Variants in PLCG2 observed in about 807,000 individuals in gnomAD.
PLCG2 encodes 1-phosphatidylinositol 4,5-bisphosphate phosphodiesterase gamma-2.
Under a neutral mutation model 175.6 loss-of-function variants are expected in PLCG2, and 69 were observed. The observed-to-expected ratio is 0.39, with a 90% CI of 0.32 to 0.48. The LOEUF (loss-of-function observed/expected upper bound fraction) is 0.48. Among genes scored for constraint, PLCG2 ranks in the 20% least tolerant of loss-of-function variants. PLCG2 has a pLI of 0.91. For missense variants in PLCG2, 1,798 were observed against 1,650.9 expected, an observed-to-expected ratio of 1.09 and a Z score of -1.54; for synonymous variants, 827 against 624.0, an observed-to-expected ratio of 1.33 and a Z score of -4.85.
intron 9 of PLCG2, among the ~76,000 whole-genome samples, chr16:81,887,903 T>C (rs1908450058): frequency 6.6e-6 from 1 of 152,246 alleles, no homozygotes; most frequent in South Asian, 2.1e-4. Context: ...TGTCTAGGAC[T>C]GTGCAGCAGC....
intron 7 of PLCG2, among the ~76,000 whole-genome samples, chr16:81,877,242 C>T (rs916323212): frequency 2.0e-5 from 3 of 152,324 alleles, no homozygotes; most frequent in East Asian, 3.9e-4. Context: ...ATCGCGAGGT[C>T]AGGAGATCGA....
At position 81,939,983 on chromosome 16, in the gene PLCG2, G is replaced by C; in HGVS notation, c.3405G>C (p.Val1135=). 6.2e-7 allele frequency: 1 copy of C among 1,613,994 alleles called. No individual in the cohort carries two copies. Among genetic ancestry groups the C allele is most frequent in the Non-Finnish European group, 8.5e-7 (1 of 1,179,892 alleles). Residue 1135 remains valine (V), a synonymous_variant, in exon 30 of 33, where the codon GTG becomes GTC. Coordinates refer to ENST00000564138, the MANE Select transcript of PLCG2 (RefSeq NM_002661.5). Reference sequence around the variant, plus strand: ...CAAACCTGGCATTTCTGCGCTTTGTGGTTTATGAAGAAGATATGTTCAGCG... The same window carrying C: ...CAAACCTGGCATTTCTGCGCTTTGTCGTTTATGAAGAAGATATGTTCAGCG... ...YDPNLAFLRF[V]VYEEDMFSDP... is the part of the protein sequence containing the mutation.
At chr16:81,885,101 A>G (rs1481071967) in intron 9 of PLCG2, among the ~76,000 whole-genome samples, 1 of 150,574 alleles carries the variant, frequency 6.6e-6, no homozygotes, top group East Asian at 1.9e-4. Flanking sequence ...ACCAGGCTGG[A>G]GTACAATGGC....
rs951986751 is a variant in PLCG2 at position 81,782,468 on chromosome 16, C to T, written c.-48+3044C>T. Among the ~76,000 whole-genome samples the T allele has an allele frequency of 6.6e-5, 10 of 152,212 alleles. No homozygotes were observed. The South Asian group carries it at 2.1e-3, about 32-fold the overall frequency. On this transcript the variant is annotated intron_variant, in intron 1 of 32. Transcript: ENST00000564138. The stretch of plus-strand genomic sequence containing the variant: ...GGTGGCTGGTGCTCTCTCCTGGGCT[C>T]AAGGTCTTGGAGACCTCCCTGCCAT...
At chr16:81,863,425 C>T (rs751152163) in intron 5 of PLCG2, among the ~76,000 whole-genome samples, 83 of 152,278 alleles carry the variant, frequency 5.5e-4, no homozygotes, top group Non-Finnish European at 8.1e-4. Context: ...ACAGATAGAC[C>T]ACATTTTGCT....
intron 7 of PLCG2, among the ~76,000 whole-genome samples, chr16:81,878,131 C>G (rs1597369061): frequency 6.6e-6 from 1 of 151,756 alleles, no homozygotes; most frequent in Non-Finnish European, 1.5e-5. Context: ...TACAGGCGCC[C>G]ACCACCACGC....
chr16:81,936,462 C>A (rs1910717727), intron 27 of PLCG2, 84 bp downstream of exon 27: 8 of 1,046,318 alleles, frequency 7.6e-6, no homozygotes, highest in Non-Finnish European at 1.0e-5. Flanking sequence ...GTCAGCGATA[C>A]CATGTGGTGT....
intron 1 of PLCG2, among the ~76,000 whole-genome samples, chr16:81,747,202 C>G (rs146363656): frequency 9.8e-4 from 149 of 152,310 alleles, no homozygotes; most frequent in African/African-American, 3.5e-3. Context: ...ATTTCTCCTG[C>G]AGACATACTC....
intron 2 of PLCG2, among the ~76,000 whole-genome samples, chr16:81,804,474 A>G (rs1336161688): frequency 1.3e-5 from 2 of 152,240 alleles, no homozygotes; most frequent in Non-Finnish European, 2.9e-5. Context: ...CTTGCAGCAC[A>G]TGGGCATGGA....
At chr16:81,758,411 A>T (rs1340547738) in intron 2 of PLCG2, among the ~76,000 whole-genome samples, 1 of 152,186 alleles carries the variant, frequency 6.6e-6, no homozygotes, top group East Asian at 1.9e-4. Context: ...GTTGACGGAC[A>T]TTTGGGTTGC....
At chr16:81,920,984 A>G (rs1910036634) in intron 20 of PLCG2, among the ~76,000 whole-genome samples, 1 of 152,180 alleles carries the variant, frequency 6.6e-6, no homozygotes, top group South Asian at 2.1e-4. Flanking sequence ...AGGCCAGGAC[A>G]GGGCCTCTCT....
chr16:81,866,811 C>T (rs1364386806), intron 5 of PLCG2, among the ~76,000 whole-genome samples: 1 of 152,244 alleles, frequency 6.6e-6, no homozygotes, highest in African/African-American at 2.4e-5. Context: ...CACGACCCCT[C>T]TCGCTGCCGC....
chr16:81,912,706 A>G lies in PLCG2; in HGVS notation c.2044A>G (p.Ile682Val). 1 of 1,607,568 alleles carries G rather than the reference A, an allele frequency of 6.2e-7. No homozygotes were observed. The highest frequency in any genetic ancestry group is 8.5e-7 in the Non-Finnish European group (1 of 1,176,772). The change falls in exon 19 of 33, where the codon ATC (isoleucine) becomes GTC (valine). Residue 682 changes from isoleucine to valine, a missense_variant. Ile to Val is a conservative substitution (Grantham distance 29). Transcript: ENST00000564138. Reference protein sequence around the residue: ...RKREGSDSYAITFRARGKVKH... With the variant: ...RKREGSDSYAVTFRARGKVKH... ...GCGAGAGGGGAGCGACTCCTATGCC[A>G]TCACCTTCAGGTGGGTGCGAGGGTG...
chr16:81,818,190 T>G (rs1396867591), intron 2 of PLCG2, among the ~76,000 whole-genome samples: 1 of 152,242 alleles, frequency 6.6e-6, no homozygotes, highest in African/African-American at 2.4e-5. Context: ...CGGCCCTCTG[T>G]GCCTCAGTTT....
At chr16:81,897,831 C>A in intron 13 of PLCG2, 1 of 455,806 alleles carries the variant, frequency 2.2e-6, no homozygotes, top group Non-Finnish European at 4.4e-6. Flanking sequence ...GGGCATGAGC[C>A]ACCGTGCCCA....
chr16:81,874,014 C>G (rs546607048), intron 7 of PLCG2, among the ~76,000 whole-genome samples: 2 of 152,264 alleles, frequency 1.3e-5, no homozygotes, highest in Non-Finnish European at 2.9e-5. Flanking sequence ...TAGATTGCCC[C>G]GTGTGGAACT....
At chr16:81,907,517 G>T (rs1011085145) in intron 15 of PLCG2, among the ~76,000 whole-genome samples, 168 bp from the exon 16 acceptor site, 4 of 152,168 alleles carry the variant, frequency 2.6e-5, no homozygotes, top group African/African-American at 9.7e-5. Context: ...TTTTAAAAAA[G>T]AAATGCCTTG....
intron 4 of PLCG2, among the ~76,000 whole-genome samples, 190 bp downstream of exon 4, chr16:81,858,546 C>T (rs886159665): frequency 2.0e-5 from 3 of 152,048 alleles, no homozygotes; most frequent in Non-Finnish European, 4.4e-5. Flanking sequence ...AAGAGCATTT[C>T]CCTGTGCTAG....
chr16:81,748,417 T>A (rs1228984073), intron 1 of PLCG2, among the ~76,000 whole-genome samples: 10 of 144,434 alleles, frequency 6.9e-5, no homozygotes, highest in East Asian at 2.0e-4. Context: ...AAAAAAAAAA[T>A]GAAAAAAGAA....
Sources: gnomAD v4.1 joint callset for allele counts (sites outside exome capture counted in the v4.1 genomes callset) on GRCh38, gnomAD v4.1.1 for gene constraint, MANE v1.5 for transcripts, NCBI Gene and HGNC (gene_info 2026-07-23, HGNC 2026-07-21) for gene names.